The following GALNTL6 variants were observed in gnomAD, a reference collection of about 807,000 sequenced individuals.
GALNTL6 encodes polypeptide N-acetylgalactosaminyltransferase like 6.
In GALNTL6, 46 loss-of-function variants were observed where a neutral mutation model predicts 73.7. The ratio of observed to expected loss-of-function variants is 0.62; its 90% confidence interval spans 0.49 to 0.80. The LOEUF (loss-of-function observed/expected upper bound fraction) is 0.80. GALNTL6 is among the 30% of genes least tolerant of loss of function. The pLI is 0.00. For missense variants in GALNTL6, 604 were observed against 755.0 expected (o/e 0.80, Z 2.34); for synonymous variants, 259 against 263.7 (o/e 0.98, Z 0.17).
At chr4:172,748,880 TTTGTTGTTG>T (rs142265791) in intron 5 of GALNTL6, among the ~76,000 whole-genome samples, 25,406 of 149,938 alleles carry the variant, frequency 0.17, 2,342 homozygotes, top group Middle Eastern at 0.28. Context: ...CATATTTTCT[TTTGTTGTTG>T]TTGTTGTTGT....
chr4:172,594,377 T>G (rs972760942), intron 5 of GALNTL6, among the ~76,000 whole-genome samples: 1 of 152,148 alleles, frequency 6.6e-6, no homozygotes, highest in Non-Finnish European at 1.5e-5. Flanking sequence ...ACATTTCAAC[T>G]TCTATTAATA....
intron 2 of GALNTL6, among the ~76,000 whole-genome samples, chr4:171,999,781 T>C (rs1438703852): frequency 6.6e-6 from 1 of 152,258 alleles, no homozygotes; most frequent in African/African-American, 2.4e-5. Context: ...TAAGTCCTTG[T>C]ATTGTGCTGT....
intron 2 of GALNTL6, among the ~76,000 whole-genome samples, chr4:172,033,629 T>C (rs1029450284): frequency 2.0e-5 from 3 of 152,106 alleles, no homozygotes; most frequent in Admixed American, 6.6e-5. Context: ...TATTTTAAAA[T>C]AGTTGAAAAA....
chr4:172,486,094 G>A (rs1310605220), intron 5 of GALNTL6, among the ~76,000 whole-genome samples: 3 of 152,082 alleles, frequency 2.0e-5, no homozygotes, highest in Non-Finnish European at 4.4e-5. Flanking sequence ...GATATGATGT[G>A]CGCTGGAGAT....
At chr4:172,237,759 T>A (rs909797017) in intron 3 of GALNTL6, among the ~76,000 whole-genome samples, 1 of 152,188 alleles carries the variant, frequency 6.6e-6, no homozygotes, top group African/African-American at 2.4e-5. Flanking sequence ...TGAGCTGATT[T>A]TTTTATATTA....
intron 3 of GALNTL6, among the ~76,000 whole-genome samples, chr4:172,301,658 C>G (rs1739929247): frequency 6.6e-6 from 1 of 152,162 alleles, no homozygotes; most frequent in South Asian, 2.1e-4. Context: ...TCCTGGGTAT[C>G]AGCTGCGGAG....
chr4:172,352,157 G>A (rs1474861333), intron 5 of GALNTL6, among the ~76,000 whole-genome samples: 1 of 152,080 alleles, frequency 6.6e-6, no homozygotes, highest in Admixed American at 6.6e-5. Context: ...GATAATCACA[G>A]AATAATGCTA....
At chr4:171,818,208 G>A (rs1734572908) in intron 2 of GALNTL6, among the ~76,000 whole-genome samples, 1 of 151,666 alleles carries the variant, frequency 6.6e-6, no homozygotes, top group African/African-American at 2.4e-5. Context: ...TAAGCTGTGA[G>A]TTAGGATGAT....
In GALNTL6 at chr4:171,986,854, A is replaced by G. The variant is rs562148972; in HGVS notation, c.138+172136A>G. ...GGAGATTCAGCATAGTCCTGCCAGCAGAGATTATTTATTTACTTCAAGAGT... is the reference window on the plus strand; with the variant it reads ...GGAGATTCAGCATAGTCCTGCCAGCGGAGATTATTTATTTACTTCAAGAGT... On this transcript the variant is annotated intron_variant, in intron 2 of 12. Coordinates refer to ENST00000506823, the MANE Select transcript of GALNTL6 (RefSeq NM_001034845.3). Among the ~76,000 whole-genome samples, 16 of 152,346 alleles carry G rather than the reference A, an allele frequency of 1.1e-4. No individual in the cohort carries two copies. The East Asian group carries it at 3.1e-3, about 29-fold the overall frequency.
chr4:171,926,683 A>G (rs1455361675), intron 2 of GALNTL6, among the ~76,000 whole-genome samples: 1 of 152,118 alleles, frequency 6.6e-6, no homozygotes, highest in Non-Finnish European at 1.5e-5. Flanking sequence ...TTTTCTTCAT[A>G]ATTTGTATTT....
chr4:172,441,356 T>C (rs1010265431), intron 5 of GALNTL6, among the ~76,000 whole-genome samples: 3 of 152,132 alleles, frequency 2.0e-5, no homozygotes, highest in Non-Finnish European at 4.4e-5. Context: ...TATTCATAGA[T>C]TCCATGTTTC....
rs1742741646 is a variant in GALNTL6, at chr4:172,370,140, C to T, written c.553+21451C>T. On this transcript the variant is annotated intron_variant, in intron 5 of 12. Coordinates refer to ENST00000506823, the MANE Select transcript of GALNTL6 (RefSeq NM_001034845.3). ...GGGGCCCTGCAGTTGTAGTGTCCTC[C>T]AGAGGAGAGCTCTCTAGGCCAGTGG... Among the ~76,000 whole-genome samples the T allele has an allele frequency of 3.3e-5, 5 of 152,148 alleles. No individual in the cohort carries two copies. In the South Asian group the frequency reaches 1.0e-3, roughly 32 times the overall value.
At chr4:172,707,479 G>A (rs1734426160) in intron 5 of GALNTL6, among the ~76,000 whole-genome samples, 1 of 152,134 alleles carries the variant, frequency 6.6e-6, no homozygotes, top group African/African-American at 2.4e-5. Flanking sequence ...ACTTTTGAAG[G>A]CATAACTGAA....
At chr4:172,136,687 A>T (rs564241960) in intron 2 of GALNTL6, among the ~76,000 whole-genome samples, 1 of 151,816 alleles carries the variant, frequency 6.6e-6, no homozygotes, top group Non-Finnish European at 1.5e-5. Flanking sequence ...TAATTGAGAA[A>T]AATTATGATC....
chr4:172,864,738 G>T (rs549330242), intron 7 of GALNTL6, among the ~76,000 whole-genome samples: 1 of 152,180 alleles, frequency 6.6e-6, no homozygotes, highest in Admixed American at 6.5e-5. Context: ...TGATGTTAAG[G>T]CATATCACAT....
chr4:172,676,627 TATTAC>T (rs996056460), intron 5 of GALNTL6, among the ~76,000 whole-genome samples: 28 of 152,330 alleles, frequency 1.8e-4, no homozygotes, highest in African/African-American at 6.5e-4. Context: ...GTTAGACATA[TATTAC>T]TCCAACAGGC....
intron 2 of GALNTL6, among the ~76,000 whole-genome samples, chr4:171,873,151 G>A (rs1364509714): frequency 1.3e-5 from 2 of 152,130 alleles, no homozygotes; most frequent in African/African-American, 4.8e-5. Flanking sequence ...GATACAGCCA[G>A]TTTTGCTTAT....
At chr4:173,004,027 T>C (rs1391775370) in intron 10 of GALNTL6, among the ~76,000 whole-genome samples, 1 of 152,176 alleles carries the variant, frequency 6.6e-6, no homozygotes, top group African/African-American at 2.4e-5. Flanking sequence ...TCTCAGAATG[T>C]TGACTTCCTG....
chr4:172,860,636 A>G (rs1011462043), intron 7 of GALNTL6, among the ~76,000 whole-genome samples: 2 of 152,236 alleles, frequency 1.3e-5, no homozygotes, highest in Non-Finnish European at 2.9e-5. Context: ...TAAAGATTGC[A>G]TAGAAAATAA....
Sources: gnomAD v4.1 joint callset for allele counts (sites outside exome capture counted in the v4.1 genomes callset) on GRCh38, gnomAD v4.1.1 for gene constraint, MANE v1.5 for transcripts, NCBI Gene and HGNC (gene_info 2026-07-23, HGNC 2026-07-21) for gene names.